Variants in FNDC3A observed in about 807,000 individuals in gnomAD.
FNDC3A encodes fibronectin type III domain containing 3A, also known as fibronectin type-III domain-containing protein 3A.
In FNDC3A, 32 loss-of-function variants were observed where a neutral mutation model predicts 148.9. That is an observed-to-expected ratio of 0.21 (90% CI 0.16 to 0.29). The LOEUF is 0.29. FNDC3A is among the 10% of genes least tolerant of loss of function. FNDC3A has a pLI of 1.00. For missense variants in FNDC3A, 1,191 were observed against 1,452.8 expected (o/e 0.82, Z 2.93); for synonymous variants, 472 against 473.6 (o/e 1.00, Z 0.04).
chr13:49,017,130 G>C (rs1372868240), intron 2 of FNDC3A, among the ~76,000 whole-genome samples: 2 of 152,232 alleles, frequency 1.3e-5, no homozygotes, highest in Admixed American at 1.3e-4. Context: ...GCTTGGTGCA[G>C]AGCTGAGTTC....
intron 2 of FNDC3A, among the ~76,000 whole-genome samples, chr13:49,015,663 G>A (rs1349667259): frequency 3.9e-5 from 6 of 152,140 alleles, no homozygotes; most frequent in African/African-American, 7.2e-5. Context: ...AGAGAGGAGG[G>A]CATCCCTGTC....
intron 5 of FNDC3A, among the ~76,000 whole-genome samples, chr13:49,131,612 G>C (rs1156663719): frequency 6.6e-6 from 1 of 152,130 alleles, no homozygotes; most frequent in African/African-American, 2.4e-5. Context: ...ACTACTTAGT[G>C]GTGCCACATT....
upstream of FNDC3A, chr13:48,975,467 A>G (rs1951581409): frequency 6.6e-6 from 1 of 152,234 alleles, no homozygotes; most frequent in African/African-American, 2.4e-5. Flanking sequence ...TTCCAAGCCC[A>G]TTTCAGAGGC....
chr13:48,978,896 T>C (rs923918048), intron 1 of FNDC3A, among the ~76,000 whole-genome samples: 5 of 152,208 alleles, frequency 3.3e-5, no homozygotes, highest in African/African-American at 1.2e-4. Flanking sequence ...TTTGTACTTT[T>C]ACATGTATTG....
chr13:49,139,862 A>G (rs1882591364), intron 7 of FNDC3A, among the ~76,000 whole-genome samples: 1 of 152,222 alleles, frequency 6.6e-6, no homozygotes, highest in Non-Finnish European at 1.5e-5. Context: ...CTGAAGCAAC[A>G]GTGAGTTTCA....
chr13:49,104,482 C>T (rs935839238), intron 3 of FNDC3A, among the ~76,000 whole-genome samples: 1 of 52,634 alleles, frequency 1.9e-5, no homozygotes, highest in East Asian at 5.5e-4. Context: ...TGAGATCGCG[C>T]CACTGCACTC....
intron 1 of FNDC3A, among the ~76,000 whole-genome samples, chr13:48,999,030 C>T (rs1952076492): frequency 6.6e-6 from 1 of 152,202 alleles, no homozygotes; most frequent in South Asian, 2.1e-4. Flanking sequence ...ATCCAAAGTG[C>T]ATGGGCCCAA....
intron 2 of FNDC3A, among the ~76,000 whole-genome samples, chr13:49,051,156 A>C (rs1293769349): frequency 6.6e-6 from 1 of 152,186 alleles, no homozygotes; most frequent in Non-Finnish European, 1.5e-5. Context: ...CAATGATAGT[A>C]TTGAGATGTG....
chr13:49,170,761 A>G (rs961905654), intron 10 of FNDC3A, among the ~76,000 whole-genome samples: 2 of 152,214 alleles, frequency 1.3e-5, no homozygotes, highest in African/African-American at 4.8e-5. Context: ...TAAATGAGAT[A>G]AGGTAAAACA....
At chr13:48,983,913 CACTA>C (rs1452002142) in intron 1 of FNDC3A, among the ~76,000 whole-genome samples, 1 of 151,968 alleles carries the variant, frequency 6.6e-6, no homozygotes, top group Non-Finnish European at 1.5e-5. Flanking sequence ...GGAAATGTAT[CACTA>C]TTATTTAGAG....
chr13:48,993,929 A>T (rs1388133770), intron 1 of FNDC3A, among the ~76,000 whole-genome samples: 1 of 152,242 alleles, frequency 6.6e-6, no homozygotes, highest in African/African-American at 2.4e-5. Flanking sequence ...GTATCTTAAC[A>T]GCAATTATGA....
At chr13:49,143,784 G>A (rs1882822433) in intron 7 of FNDC3A, among the ~76,000 whole-genome samples, 1 of 152,036 alleles carries the variant, frequency 6.6e-6, no homozygotes, top group South Asian at 2.1e-4. Context: ...CACATCTTGT[G>A]CTTCCCTATT....
intron 1 of FNDC3A, among the ~76,000 whole-genome samples, chr13:49,000,691 C>G (rs1952108664): frequency 6.6e-6 from 1 of 152,144 alleles, no homozygotes. Context: ...AATATGAAAT[C>G]TTTCACTTTG....
intron 3 of FNDC3A, among the ~76,000 whole-genome samples, chr13:49,114,207 CTT>C (rs754467030): frequency 2.0e-5 from 3 of 152,042 alleles, no homozygotes; most frequent in Non-Finnish European, 4.4e-5. Flanking sequence ...GTCCCTGTAA[CTT>C]TTGAAAATTT....
intron 2 of FNDC3A, among the ~76,000 whole-genome samples, chr13:49,020,351 A>C (rs918285734): frequency 2.0e-5 from 3 of 152,244 alleles, no homozygotes; most frequent in African/African-American, 7.2e-5. Context: ...AGAGGGGATA[A>C]AAATTTCCCC....
chr13:49,171,662 T>C (rs963998206), intron 10 of FNDC3A, among the ~76,000 whole-genome samples: 4 of 152,192 alleles, frequency 2.6e-5, no homozygotes, highest in African/African-American at 9.7e-5. Flanking sequence ...TTTGGTATTT[T>C]ATACAATATT....
intron 3 of FNDC3A, among the ~76,000 whole-genome samples, chr13:49,097,759 T>C (rs142131071): frequency 1.4e-3 from 213 of 152,188 alleles, no homozygotes; most frequent in African/African-American, 5.0e-3. Context: ...CGAAACCTTA[T>C]ACATATGATT....
chr13:49,005,912 C>A (rs141612957), intron 1 of FNDC3A, among the ~76,000 whole-genome samples: 1 of 151,948 alleles, frequency 6.6e-6, no homozygotes, highest in African/African-American at 2.4e-5. Context: ...TGCTGATATT[C>A]GCTTTAATAT....
intron 23 of FNDC3A, among the ~76,000 whole-genome samples, chr13:49,200,634 A>C (rs1886378372): frequency 6.6e-6 from 1 of 152,116 alleles, no homozygotes; most frequent in Non-Finnish European, 1.5e-5. Context: ...ATTCTATTAG[A>C]TATAAATTCT....
Sources: gnomAD v4.1 joint callset for allele counts (sites outside exome capture counted in the v4.1 genomes callset) on GRCh38, gnomAD v4.1.1 for gene constraint, MANE v1.5 for transcripts, NCBI Gene and HGNC (gene_info 2026-07-23, HGNC 2026-07-21) for gene names.